The following RBFOX1 variants were observed in gnomAD, a reference collection of about 807,000 sequenced individuals.
The protein encoded by RBFOX1 is RNA binding fox-1 homolog 1, also known as RNA binding protein fox-1 homolog 1.
A neutral mutation model predicts 57.7 loss-of-function variants in RBFOX1; 8 were observed. The observed-to-expected ratio is 0.14, with a 90% CI of 0.08 to 0.25. The LOEUF is 0.25. RBFOX1 is among the 10% of genes least tolerant of loss of function. RBFOX1 has a pLI of 1.00. For synonymous variants in RBFOX1, 326 were observed against 222.4 expected (o/e 1.47, Z -4.15); for missense variants, 611 against 548.5 (o/e 1.11, Z -1.14).
chr16:6,626,756 T>C (rs1175520409), intron 2 of RBFOX1, among the ~76,000 whole-genome samples: 3 of 150,662 alleles, frequency 2.0e-5, no homozygotes, highest in Non-Finnish European at 4.4e-5. Context: ...TGAGACTCCA[T>C]CTTAATAAAT....
At chr16:6,418,271 C>G (rs993121352) in intron 2 of RBFOX1, among the ~76,000 whole-genome samples, 4 of 152,108 alleles carry the variant, frequency 2.6e-5, no homozygotes, top group African/African-American at 9.7e-5. Flanking sequence ...GGAAATAAAT[C>G]TAGGAGGTGT....
chr16:6,371,212 A>G (rs1180946545), intron 2 of RBFOX1, among the ~76,000 whole-genome samples: 1 of 152,168 alleles, frequency 6.6e-6, no homozygotes, highest in Non-Finnish European at 1.5e-5. Context: ...GACTTTTAAA[A>G]TACCGATTTG....
chr16:5,998,873 A>G (rs997272084), intron 4 of RBFOX1, among the ~76,000 whole-genome samples: 1 of 152,188 alleles, frequency 6.6e-6, no homozygotes, highest in African/African-American at 2.4e-5. Flanking sequence ...TTAATTCCAA[A>G]TGGCATCTCC....
At chr16:6,314,883 C>T (rs979154892) in intron 1 of RBFOX1, among the ~76,000 whole-genome samples, 3 of 152,152 alleles carry the variant, frequency 2.0e-5, no homozygotes, top group Non-Finnish European at 4.4e-5. Flanking sequence ...TCTAATTATT[C>T]TAACTATTCT....
chr16:6,020,838 TGCGGGGACCAGGTGTCAC>T (rs1442081660), intron 1 of RBFOX1, among the ~76,000 whole-genome samples: 2 of 152,136 alleles, frequency 1.3e-5, no homozygotes, highest in Admixed American at 1.3e-4. Context: ...TGGCGCCAGC[TGCGGGGACCAGGTGTCAC>T]GCGGAGCCCG....
chr16:6,606,138 T>C (rs564680694), intron 2 of RBFOX1, among the ~76,000 whole-genome samples: 1 of 152,118 alleles, frequency 6.6e-6, no homozygotes, highest in African/African-American at 2.4e-5. Flanking sequence ...ATATACATCT[T>C]ATAATGCTGA....
intron 11 of RBFOX1, among the ~76,000 whole-genome samples, chr16:7,631,098 A>C (rs902723223): frequency 1.8e-4 from 28 of 152,326 alleles, no homozygotes; most frequent in African/African-American, 6.3e-4. Flanking sequence ...CACGATGGAA[A>C]ATACCACTAG....
At chr16:7,486,410 T>C (rs1469310995) in intron 4 of RBFOX1, among the ~76,000 whole-genome samples, 3 of 152,030 alleles carry the variant, frequency 2.0e-5, no homozygotes, top group Admixed American at 6.6e-5. Context: ...GTGCTGGGAT[T>C]ATAGGTGTGA....
chr16:6,384,943 C>G (rs1244639742), intron 2 of RBFOX1, among the ~76,000 whole-genome samples: 1 of 152,232 alleles, frequency 6.6e-6, no homozygotes, highest in Admixed American at 6.5e-5. Flanking sequence ...CACCCAGAAA[C>G]TGCTCCATTT....
intron 3 of RBFOX1, among the ~76,000 whole-genome samples, chr16:6,662,358 C>T (rs980402234): frequency 6.6e-6 from 1 of 152,086 alleles, no homozygotes; most frequent in African/African-American, 2.4e-5. Flanking sequence ...ATGATATACA[C>T]ATGTATCAAA....
chr16:7,710,065 C>G (rs773027224), intron 15 of RBFOX1: 171 of 1,000,534 alleles, frequency 1.7e-4, no homozygotes, highest in Non-Finnish European at 2.0e-4. Context: ...CATAGAAATT[C>G]AGCCATGATT....
intron 4 of RBFOX1, among the ~76,000 whole-genome samples, chr16:7,100,650 A>ACATAG (rs2151344217): frequency 6.8e-6 from 1 of 147,708 alleles, no homozygotes; most frequent in East Asian, 2.0e-4. Context: ...GTTTTTCTTG[A>ACATAG]CATAGCCTGT....
At chr16:7,458,870 T>C (rs2059030379) in intron 4 of RBFOX1, among the ~76,000 whole-genome samples, 1 of 152,234 alleles carries the variant, frequency 6.6e-6, no homozygotes, top group Non-Finnish European at 1.5e-5. Context: ...TATTTTATGT[T>C]TCATTTGTGT....
intron 1 of RBFOX1, among the ~76,000 whole-genome samples, chr16:6,291,393 G>A: frequency 6.6e-6 from 1 of 152,156 alleles, no homozygotes; most frequent in Non-Finnish European, 1.5e-5. Flanking sequence ...GATGGTGGAG[G>A]CCGCAGGGAC....
At chr16:6,894,430 G>C (rs572389831) in intron 3 of RBFOX1, among the ~76,000 whole-genome samples, 2 of 152,242 alleles carry the variant, frequency 1.3e-5, no homozygotes, top group East Asian at 1.9e-4. Context: ...CTCTAATTCT[G>C]TGAGAATGCC....
intron 4 of RBFOX1, among the ~76,000 whole-genome samples, chr16:7,312,252 C>T (rs569392995): frequency 1.3e-5 from 2 of 152,230 alleles, no homozygotes; most frequent in East Asian, 3.9e-4. Context: ...TGGTGGAGCA[C>T]ACTTGTAATC....
At chr16:5,516,357 G>C (rs1425672341) in intron 2 of RBFOX1, among the ~76,000 whole-genome samples, 1 of 150,858 alleles carries the variant, frequency 6.6e-6, no homozygotes, top group Admixed American at 6.6e-5. Context: ...ATTATTTTCT[G>C]TCTTCCATCA....
At chr16:6,873,262 A>G (rs1391073954) in intron 3 of RBFOX1, among the ~76,000 whole-genome samples, 1 of 152,152 alleles carries the variant, frequency 6.6e-6, no homozygotes, top group Non-Finnish European at 1.5e-5. Flanking sequence ...TAATTTATAC[A>G]TTAGTTATCT....
At chr16:6,120,441 G>T (rs1452265973) in intron 1 of RBFOX1, among the ~76,000 whole-genome samples, 1 of 152,060 alleles carries the variant, frequency 6.6e-6, no homozygotes, top group Non-Finnish European at 1.5e-5. Flanking sequence ...TTCCTATGTT[G>T]TGCTTTCCTA....
Sources: gnomAD v4.1 joint callset for allele counts (sites outside exome capture counted in the v4.1 genomes callset) on GRCh38, gnomAD v4.1.1 for gene constraint, MANE v1.5 for transcripts, NCBI Gene and HGNC (gene_info 2026-07-23, HGNC 2026-07-21) for gene names.